Variants in SPAST observed in about 807,000 individuals in gnomAD.
SPAST encodes spastic paraplegia 4 (autosomal dominant; spastin).
A neutral mutation model predicts 76.6 loss-of-function variants in SPAST; 30 were observed. That is an observed-to-expected ratio of 0.39 (90% CI 0.29 to 0.53). SPAST has a LOEUF of 0.53. Among genes scored for constraint, SPAST ranks in the 20% least tolerant of loss-of-function variants. The probability of loss-of-function intolerance (pLI) is 0.68; values close to 1 mark genes in which losing one functional copy is unlikely to be tolerated. For synonymous variants in SPAST, 305 were observed against 281.0 expected, an observed-to-expected ratio of 1.09 and a Z score of -0.86; for missense variants, 717 against 770.5, an observed-to-expected ratio of 0.93 and a Z score of 0.82.
At chr2:32,109,990 G>T (rs1178777995) in intron 4 of SPAST, among the ~76,000 whole-genome samples, 1 of 146,700 alleles carries the variant, frequency 6.8e-6, no homozygotes, top group African/African-American at 2.5e-5. Context: ...AGTTATATAT[G>T]TATTAGTTAT....
At chr2:32,107,742 A>G (rs1299384822) in intron 4 of SPAST, among the ~76,000 whole-genome samples, 1 of 152,120 alleles carries the variant, frequency 6.6e-6, no homozygotes, top group Non-Finnish European at 1.5e-5. Context: ...CTCAACCCAT[A>G]ATCTTTTCTT....
In SPAST at chr2:32,063,905, C is replaced by T. The variant is rs1573026974; in HGVS notation, c.74C>T (p.Pro25Leu). 6.3e-7 allele frequency: 1 copy of T among 1,581,858 alleles called. No individual in the cohort carries two copies. Among genetic ancestry groups the T allele is most frequent in the South Asian group, 1.1e-5 (1 of 87,866 alleles). The change falls in exon 1 of 17, where the codon CCG becomes CTG. Residue 25 changes from proline (P) to leucine (L), a missense_variant. By Grantham distance (98) the Pro-to-Leu change is moderately conservative (BLOSUM62 -3). Around this residue, in one of 3 missense-constraint regions of SPAST, gnomAD observed 543 missense variants for 445.2 expected, o/e 1.22. Transcript: ENST00000315285. The part of the protein sequence containing the change: ...GASNPVPPRP[P>L]PPCLAPAPPA... ...AGCAACCCGGTGCCTCCCAGGCCTC[C>T]GCCCCCTTGCCTGGCCCCCGCCCCT...
At chr2:32,083,766 A>ATTTTTTT (rs1573062035) in intron 1 of SPAST, among the ~76,000 whole-genome samples, 1 of 48,446 alleles carries the variant, frequency 2.1e-5, no homozygotes, top group South Asian at 8.4e-4. Flanking sequence ...ATATATATAT[A>ATTTTTTT]TATATATATA....
At chr2:32,134,845 G>A (rs752532657) in intron 9 of SPAST, among the ~76,000 whole-genome samples, 37 of 151,056 alleles carry the variant, frequency 2.4e-4, no homozygotes, top group Non-Finnish European at 4.4e-4. Context: ...ACAGGCATGC[G>A]CCACCACGCC....
chr2:32,142,527 G>A (rs1316326252), intron 13 of SPAST, among the ~76,000 whole-genome samples: 1 of 152,036 alleles, frequency 6.6e-6, no homozygotes, highest in Non-Finnish European at 1.5e-5. Context: ...TGATTCTCCT[G>A]CCTCAGCCTC....
rs547738114 is a variant in SPAST at position 32,084,765 on chromosome 2, T to C, written c.416-2727T>C. Among the ~76,000 whole-genome samples, 3 of 151,160 alleles carry C rather than the reference T, an allele frequency of 2.0e-5. No homozygotes were observed. In the East Asian group the frequency reaches 6.0e-4, roughly 30 times the overall value. On this transcript the variant is annotated intron_variant, in intron 1 of 16. Transcript: ENST00000315285. ...AGGCAGGTGTGGTGGTGCACACCTG[T>C]AATCCCAGCTACTTGGGAGGCTGAG...
chr2:32,066,190 G>A (rs959947193), intron 1 of SPAST: 4 of 151,822 alleles, frequency 2.6e-5, no homozygotes, highest in Admixed American at 2.0e-4. Context: ...GGCCAGACTG[G>A]TCACGAACTC....
At chr2:32,077,900 A>C (rs971127368) in intron 1 of SPAST, 3 of 152,198 alleles carry the variant, frequency 2.0e-5, no homozygotes, top group African/African-American at 7.2e-5. Flanking sequence ...TTGGAAGTTG[A>C]GGCAGGAGGA....
In SPAST at chr2:32,154,606, A is replaced by G. The variant is rs1680194873; in HGVS notation, c.*110A>G. ...AGCCTAAGTTTACAGGACTTTTTAG[A>G]GTCTTACATATTTGTGCACCAAACT... On this transcript the variant is annotated 3_prime_UTR_variant, in exon 17 of 17. Coordinates refer to ENST00000315285, the MANE Select transcript of SPAST (RefSeq NM_014946.4). The G allele has an allele frequency of 3.7e-6, 4 of 1,087,468 alleles. No homozygotes were observed. The Admixed American group carries it at 5.9e-5, about 16-fold the overall frequency. 67.4% of individuals were successfully genotyped at this position (1,087,468 alleles called of 1,614,324 possible).
rs757019242 is a variant in SPAST, at chr2:32,088,513, G to C, written c.502+935G>C. On this transcript the variant is annotated intron_variant, in intron 2 of 16. Coordinates refer to ENST00000315285, the MANE Select transcript of SPAST (RefSeq NM_014946.4). ...TTCAAAATTAGCCAGGCGTGGTGTC[G>C]CGCACCTGTAATTGCAGCTACTTGG... Among the ~76,000 whole-genome samples the C allele has an allele frequency of 2.0e-5, 3 of 152,122 alleles. No homozygotes were observed. In the South Asian group the frequency reaches 6.2e-4, roughly 32 times the overall value.
intron 16 of SPAST, among the ~76,000 whole-genome samples, chr2:32,149,082 AT>A (rs1679989778): frequency 1.3e-5 from 2 of 151,302 alleles, no homozygotes; most frequent in East Asian, 3.9e-4. Context: ...AATAACCTTT[AT>A]TTTTTTAATT....
At chr2:32,099,536 T>C (rs1440932288) in intron 4 of SPAST, among the ~76,000 whole-genome samples, 1 of 151,930 alleles carries the variant, frequency 6.6e-6, no homozygotes, top group East Asian at 1.9e-4. Context: ...TTAAAACTTT[T>C]TTTTTAGTTG....
intron 12 of SPAST, among the ~76,000 whole-genome samples, chr2:32,138,037 G>A (rs150969900): frequency 4.4e-4 from 67 of 152,162 alleles, no homozygotes; most frequent in African/African-American, 1.5e-3. Context: ...TGGTGTGTAC[G>A]TACCACATTT....
intron 1 of SPAST, among the ~76,000 whole-genome samples, chr2:32,068,067 C>T (rs1218504210): frequency 1.3e-5 from 2 of 151,322 alleles, no homozygotes; most frequent in Non-Finnish European, 2.9e-5. Context: ...CTAGCTCCGC[C>T]TCCCGGGTTC....
intron 9 of SPAST, chr2:32,130,420 C>G (rs1558333043): frequency 1.3e-5 from 2 of 152,074 alleles, no homozygotes; most frequent in Non-Finnish European, 2.9e-5. Context: ...ATTTGTTGCA[C>G]CGAAATCCAG....
intron 9 of SPAST, among the ~76,000 whole-genome samples, chr2:32,133,596 C>A (rs550380589): frequency 1.3e-4 from 19 of 151,632 alleles, no homozygotes; most frequent in African/African-American, 4.6e-4. Flanking sequence ...CTTTTTTACA[C>A]AGATTTAATT....
chr2:32,089,360 C>G (rs1677620164), intron 2 of SPAST, among the ~76,000 whole-genome samples, 162 bp from the exon 3 acceptor site: 1 of 151,602 alleles, frequency 6.6e-6, no homozygotes, highest in Admixed American at 6.6e-5. Flanking sequence ...TTTAAAATTT[C>G]TTCTGTTTTC....
chr2:32,086,892 C>G (rs375223096), intron 1 of SPAST, among the ~76,000 whole-genome samples: 2 of 152,162 alleles, frequency 1.3e-5, no homozygotes, highest in Non-Finnish European at 2.9e-5. Flanking sequence ...AGTTATTCTA[C>G]ATACTTTTTG....
intron 16 of SPAST, among the ~76,000 whole-genome samples, chr2:32,153,100 T>A (rs952691874): frequency 7.2e-5 from 11 of 152,118 alleles, no homozygotes; most frequent in African/African-American, 2.4e-4. Flanking sequence ...TTCAGATTAG[T>A]TTACAAGTTA....
Sources: gnomAD v4.1 joint callset for allele counts (sites outside exome capture counted in the v4.1 genomes callset) on GRCh38, gnomAD v4.1.1 for gene constraint, gnomAD v4.1.1 regional missense constraint, MANE v1.5 for transcripts, NCBI Gene and HGNC (gene_info 2026-07-23, HGNC 2026-07-21) for gene names.